Variants in SYBU observed in about 807,000 individuals in gnomAD.
The protein encoded by SYBU is syntabulin, also known as GOLSYN A protein.
Under a neutral mutation model 35.9 loss-of-function variants are expected in SYBU, and 21 were observed. That is an observed-to-expected ratio of 0.58 (90% CI 0.41 to 0.84). The LOEUF is 0.84. Ranked by LOEUF, SYBU falls within the 40% of genes least tolerant of loss-of-function variation. The pLI, the probability that SYBU is intolerant of heterozygous loss-of-function variation, is 0.00. For synonymous variants in SYBU, 319 were observed against 324.3 expected, an observed-to-expected ratio of 0.98 and a Z score of 0.18; for missense variants, 768 against 848.2, an observed-to-expected ratio of 0.91 and a Z score of 1.17.
intron 1 of SYBU, among the ~76,000 whole-genome samples, chr8:109,653,774 G>A (rs1816247568): frequency 6.6e-6 from 1 of 152,094 alleles, no homozygotes; most frequent in South Asian, 2.1e-4. Flanking sequence ...GGTATTAAGA[G>A]AACTCTCTCA....
chr8:109,656,194 A>G (rs117324884), intron 1 of SYBU, among the ~76,000 whole-genome samples: 1,562 of 152,348 alleles, frequency 0.01, 17 homozygotes, highest in Non-Finnish European at 0.017. Flanking sequence ...AGAGAGTATT[A>G]GAAAACTTCA....
chr8:109,691,400 G>C lies in SYBU; in HGVS notation c.-125C>G, dbSNP rs777039857. The stretch of plus-strand genomic sequence containing the variant: ...GGCACCTACGTGCGCCCGGGAGACC[G>C]GGCCCCGGCTGGGCCGGGTGCCGGT... On this transcript the variant is annotated 5_prime_UTR_variant, in exon 1 of 8. Transcript: ENST00000422135. This position sits in a 1 kb window ranked among gnomAD's most constrained non-coding sequence, Gnocchi z 4.7. The C allele has an allele frequency of 1.8e-4, 125 of 690,098 alleles. No homozygotes were observed. The highest frequency in any genetic ancestry group is 3.1e-4 in the Non-Finnish European group (116 of 379,946). The allele number at this position is 690,098 out of a possible 1,614,324, so 42.7% of individuals were successfully genotyped here. A position where few individuals can be genotyped will look rare whatever the true frequency, so the allele number is the denominator to read the frequency against.
At chr8:109,630,800 G>T (rs1005158803) in intron 2 of SYBU, among the ~76,000 whole-genome samples, 1 of 152,148 alleles carries the variant, frequency 6.6e-6, no homozygotes, top group African/African-American at 2.4e-5. Flanking sequence ...TTGGATAAGT[G>T]AGCCTGGGGC....
At chr8:109,640,507 G>A (rs1007332945) in intron 2 of SYBU, among the ~76,000 whole-genome samples, 2 of 152,082 alleles carry the variant, frequency 1.3e-5, no homozygotes, top group Non-Finnish European at 1.5e-5. Flanking sequence ...TTGAAATGAC[G>A]TGCCCAGAGT....
intron 1 of SYBU, chr8:109,644,230 G>C: frequency 4.2e-6 from 2 of 478,836 alleles, no homozygotes; most frequent in Non-Finnish European, 8.3e-6. Flanking sequence ...CAGGTACCAT[G>C]CGCCAGCCAC....
Position 109,575,909 on chromosome 8 carries a change from G to A in SYBU, c.989C>T (p.Ala330Val), listed in dbSNP as rs1822229107. The change falls in exon 7 of 7, where the codon GCC (alanine) becomes GTC (valine). Residue 330 changes from alanine (A) to valine (V), a missense_variant. Physicochemically the swap from Ala to Val is moderately conservative, Grantham distance 64 (BLOSUM62 0). Coordinates refer to ENST00000276646, the MANE Select transcript of SYBU (RefSeq NM_001099754.2). ...RVEAQLALKE[A>V]RKEIKQLKQV... ...TTTGAGCTGTTTAATCTCTTTCCTG[G>A]CTTCTTTGAGTGCCAACTGGGCCTC... 9 of 1,613,690 alleles carry A rather than the reference G, an allele frequency of 5.6e-6. No individual in the cohort carries two copies. The highest frequency in any genetic ancestry group is 7.6e-6 in the Non-Finnish European group (9 of 1,179,978).
At chr8:109,644,015 T>A in intron 1 of SYBU, 1 of 438,364 alleles carries the variant, frequency 2.3e-6, no homozygotes, top group African/African-American at 2.0e-5. Context: ...AAACACCCTT[T>A]CGAAACATGA....
rs1822789676 is a variant in SYBU, at chr8:109,579,743, A to T, written c.734+56T>A. ...TAACTTTTTTTTTTCTTTTTTAAAGAAAAGCTTACCAAGTAGGACAAACTA... is the reference window on the plus strand; with the variant it reads ...TAACTTTTTTTTTTCTTTTTTAAAGTAAAGCTTACCAAGTAGGACAAACTA... On this transcript the variant is annotated intron_variant, in intron 5 of 6. Transcript: ENST00000276646. 6 of 1,502,442 alleles carry T rather than the reference A, an allele frequency of 4.0e-6. No homozygotes were observed. In the East Asian group the frequency reaches 1.4e-4, roughly 34 times the overall value. The allele number at this position is 1,502,442 out of a possible 1,614,324, so 93.1% of individuals were successfully genotyped here. A position where few individuals can be genotyped will look rare whatever the true frequency, so the allele number is the denominator to read the frequency against.
intron 2 of SYBU, among the ~76,000 whole-genome samples, chr8:109,638,145 A>C (rs1162071931): frequency 1.1e-4 from 16 of 152,236 alleles, no homozygotes; most frequent in Admixed American, 1.0e-3. Context: ...TGCCATGTTT[A>C]CAAGGCGCCC....
chr8:109,657,425 G>T (rs944756295), intron 1 of SYBU, among the ~76,000 whole-genome samples: 2 of 152,136 alleles, frequency 1.3e-5, no homozygotes, highest in Non-Finnish European at 2.9e-5. Context: ...TTTGCCCAAA[G>T]GAAATTTGTT....
chr8:109,602,881 A>G (rs1347032820), intron 3 of SYBU, among the ~76,000 whole-genome samples: 1 of 152,238 alleles, frequency 6.6e-6, no homozygotes, highest in Non-Finnish European at 1.5e-5. Context: ...TTTAACCCTG[A>G]CATGTGTTCA....
intron 6 of SYBU, 68 bp from the exon 7 acceptor site, chr8:109,576,081 G>C: frequency 7.0e-7 from 1 of 1,430,074 alleles, no homozygotes; most frequent in African/African-American, 1.5e-5. Flanking sequence ...CTTTCAACTG[G>C]GCAACAGGCA....
intron 2 of SYBU, among the ~76,000 whole-genome samples, chr8:109,626,121 T>C (rs898092138): frequency 6.6e-6 from 1 of 152,226 alleles, no homozygotes; most frequent in African/African-American, 2.4e-5. Context: ...TTTTTCTGTT[T>C]GGAAGTTCAG....
At chr8:109,645,319 C>G (rs560410130), upstream of SYBU, 10 of 456,610 alleles carry the variant, frequency 2.2e-5, no homozygotes, top group African/African-American at 1.8e-4. Flanking sequence ...GCGTCAGGAC[C>G]GACACAGCCT....
chr8:109,575,645 T>C lies in SYBU; in HGVS notation c.1253A>G (p.Glu418Gly). ...DTMADGLSLE[E>G]QVTGEGADRE... is the part of the protein sequence containing the mutation. ...GTCAGCCCCTTCCCCCGTGACCTGC[T>C]CTTCCAGAGATAACCCATCTGCCAT... Residue 418 changes from glutamate (E) to glycine (G), a missense_variant, in exon 7 of 7, where the codon GAG (glutamate) becomes GGG (glycine). Coordinates refer to ENST00000276646, the MANE Select transcript of SYBU (RefSeq NM_001099754.2). 1 of 1,614,084 alleles carries C rather than the reference T, an allele frequency of 6.2e-7. No homozygotes were observed. Among genetic ancestry groups the C allele is most frequent in the Non-Finnish European group, 8.5e-7 (1 of 1,180,008 alleles).
At chr8:109,668,315 G>A (rs1157070071) in intron 1 of SYBU, among the ~76,000 whole-genome samples, 2 of 152,192 alleles carry the variant, frequency 1.3e-5, no homozygotes, top group East Asian at 3.9e-4. Context: ...TTTGTTGCTA[G>A]TGTTTTAAGA....
Position 109,642,819 on chromosome 8 carries a change from C to A in SYBU, c.138G>T (p.Glu46Asp). ...QQQHKVSPASESPFSEEESRE... is the reference protein window; with the variant it reads ...QQQHKVSPASDSPFSEEESRE... ...TGCTCTCTTCCTCAGAGAAAGGAGA[C>A]TCAGAGGCTGGGGACACTTTGTGCT... Residue 46 changes from glutamate (E) to aspartate (D), a missense_variant, in exon 2 of 7, where the codon GAG becomes GAT. Glu to Asp is a conservative substitution (Grantham distance 45, BLOSUM62 2). Transcript: ENST00000276646. 1.9e-6 allele frequency: 3 copies of A among 1,613,592 alleles called. No individual in the cohort carries two copies. Among genetic ancestry groups the A allele is most frequent in the Non-Finnish European group, 2.5e-6 (3 of 1,179,748 alleles).
chr8:109,658,040 A>T (rs1816419537), intron 1 of SYBU, among the ~76,000 whole-genome samples: 1 of 152,146 alleles, frequency 6.6e-6, no homozygotes, highest in Admixed American at 6.5e-5. Flanking sequence ...TTCTTTCTTC[A>T]TTCACCAGTA....
chr8:109,652,376 A>ACTCT (rs1183197789), intron 1 of SYBU, among the ~76,000 whole-genome samples: 1 of 122,474 alleles, frequency 8.2e-6, no homozygotes, highest in Non-Finnish European at 1.7e-5. Context: ...TTCTTTTTCT[A>ACTCT]CTCTCTCTCT....
Sources: gnomAD v4.1 joint callset for allele counts (sites outside exome capture counted in the v4.1 genomes callset) on GRCh38, gnomAD v4.1.1 for gene constraint, Gnocchi (gnomAD v3.1) non-coding constraint, MANE v1.5 for transcripts, NCBI Gene and HGNC (gene_info 2026-07-23, HGNC 2026-07-21) for gene names.